Variants in DLGAP2 observed in about 807,000 individuals in gnomAD.
The protein encoded by DLGAP2 is disks large-associated protein 2.
In DLGAP2, 26 loss-of-function variants were observed where a neutral mutation model predicts 100.3. The ratio of observed to expected loss-of-function variants is 0.26; its 90% CI spans 0.19 to 0.36. The LOEUF is 0.36. DLGAP2 is among the 10% of genes least tolerant of loss of function. The pLI, the probability that DLGAP2 is intolerant of heterozygous loss-of-function variation, is 1.00. For synonymous variants in DLGAP2, 886 were observed against 630.1 expected, an observed-to-expected ratio of 1.41 and a Z score of -6.08; for missense variants, 1,858 against 1,453.2, an observed-to-expected ratio of 1.28 and a Z score of -4.53.
chr8:1,519,816 G>A (rs1800524224), intron 4 of DLGAP2, among the ~76,000 whole-genome samples: 1 of 152,264 alleles, frequency 6.6e-6, no homozygotes, highest in African/African-American at 2.4e-5. Flanking sequence ...TTTGTGCTCA[G>A]CAGGTGATGG....
intron 8 of DLGAP2, among the ~76,000 whole-genome samples, chr8:1,664,668 C>T (rs1798499167): frequency 6.6e-6 from 1 of 152,216 alleles, no homozygotes; most frequent in Non-Finnish European, 1.5e-5. Flanking sequence ...ACCATATGGA[C>T]ATTCAGTTCG....
chr8:1,351,644 G>A lies in DLGAP2; in HGVS notation c.106+92761G>A, dbSNP rs568221276. On this transcript the variant is annotated intron_variant, in intron 3 of 14. Coordinates refer to ENST00000637795, the MANE Select transcript of DLGAP2 (RefSeq NM_001346810.2). ...GCCGTGCGGGTCCTGAGTGTGCGTG[G>A]AAAGGCCGTGCGGGTCCTGACTGTG... Among the ~76,000 whole-genome samples the A allele has an allele frequency of 2.9e-4, 21 of 72,732 alleles. 1 individual carries two copies. The highest frequency in any genetic ancestry group is 8.7e-4 in the African/African-American group (20 of 23,086). 47.7% of individuals were successfully genotyped at this position (72,732 alleles called of 152,430 possible).
chr8:1,022,355 T>C (rs1254844420), intron 2 of DLGAP2, among the ~76,000 whole-genome samples: 1,496 of 28,996 alleles, frequency 0.052, no homozygotes, highest in Middle Eastern at 0.071. Flanking sequence ...GTAGACACTC[T>C]AAACACCACC....
At position 1,006,842 on chromosome 8, in the gene DLGAP2, G is replaced by A. The variant is rs535974214; in HGVS notation, c.73+98876G>A. 3.2e-3 allele frequency among the ~76,000 whole-genome samples: 287 copies of A among 91,010 alleles called. 2 individuals are homozygous for A. The highest frequency in any genetic ancestry group is 0.013 in the African/African-American group (274 of 21,450). 59.7% of individuals were successfully genotyped at this position (91,010 alleles called of 152,430 possible). A position where few individuals can be genotyped will look rare whatever the true frequency, so the allele number is the denominator to read the frequency against. ...CGCCCTGCGTCTCAAGTCTCGGGAT[G>A]TGGTCCTTTATCACGTCGGGGACAC... is the stretch of plus-strand genomic sequence containing the variant. On this transcript the variant is annotated intron_variant, in intron 2 of 14. Transcript: ENST00000637795.
intron 2 of DLGAP2, among the ~76,000 whole-genome samples, chr8:1,227,920 C>T (rs758801854): frequency 6.6e-6 from 1 of 152,156 alleles, no homozygotes; most frequent in Non-Finnish European, 1.5e-5. Flanking sequence ...TATACACACA[C>T]AAAATGGGTA....
chr8:1,390,097 C>A (rs1325591118), intron 3 of DLGAP2, among the ~76,000 whole-genome samples: 1 of 151,932 alleles, frequency 6.6e-6, no homozygotes, highest in African/African-American at 2.4e-5. Flanking sequence ...ATCACAGGGC[C>A]CTGGTGGAGT....
chr8:1,497,538 A>T (rs1183114336), intron 3 of DLGAP2, among the ~76,000 whole-genome samples: 1 of 152,196 alleles, frequency 6.6e-6, no homozygotes, highest in Non-Finnish European at 1.5e-5. Flanking sequence ...GGAGAGAGAG[A>T]TCTACCAGAA....
intron 2 of DLGAP2, among the ~76,000 whole-genome samples, chr8:1,140,197 C>T (rs1250265872): frequency 2.0e-5 from 3 of 152,138 alleles, no homozygotes; most frequent in African/African-American, 7.2e-5. Flanking sequence ...ACCAGGGTGA[C>T]ATGAAACTCC....
intron 1 of DLGAP2, among the ~76,000 whole-genome samples, chr8:787,504 C>T (rs1224043885): frequency 2.0e-5 from 3 of 152,228 alleles, no homozygotes; most frequent in Non-Finnish European, 4.4e-5. Flanking sequence ...GTGATGGGGT[C>T]ATTCCATGGA....
rs187839358 is a variant in DLGAP2, at chr8:1,537,297, A to C, written c.173-11329A>C. 2.6e-5 allele frequency among the ~76,000 whole-genome samples: 4 copies of C among 152,292 alleles called. No homozygotes were observed. The East Asian group carries it at 7.7e-4, about 29-fold the overall frequency. On this transcript the variant is annotated intron_variant, in intron 4 of 14. Transcript: ENST00000637795. ...CATGCATGTGTGGTTACACATGTGC[A>C]CATAGTTGTGTGTGCCTGTGTGTGT...
intron 1 of DLGAP2, among the ~76,000 whole-genome samples, chr8:877,183 T>A (rs1797701633): frequency 6.6e-6 from 1 of 152,162 alleles, no homozygotes; most frequent in African/African-American, 2.4e-5. Context: ...ATTGTATGGA[T>A]CATACTTTCC....
chr8:941,722 T>C (rs1799201040), intron 2 of DLGAP2, among the ~76,000 whole-genome samples: 1 of 152,236 alleles, frequency 6.6e-6, no homozygotes, highest in Non-Finnish European at 1.5e-5. Context: ...CGGCTTTCTT[T>C]GATTGGGATG....
rs1046937841 is a variant in DLGAP2, at chr8:1,216,475, C to A, written c.74-42376C>A. 6.6e-5 allele frequency among the ~76,000 whole-genome samples: 10 copies of A among 151,956 alleles called. No homozygotes were observed. In the South Asian group the frequency reaches 1.5e-3, roughly 22 times the overall value. On this transcript the variant is annotated intron_variant, in intron 2 of 14. Transcript: ENST00000637795. ...GAGATCCTCCCTCTTCAACCTCCCA[C>A]GTATGTGCCACCATGCCTGGCTAAT...
chr8:1,619,265 T>C (rs987614633), intron 6 of DLGAP2, among the ~76,000 whole-genome samples: 3 of 152,190 alleles, frequency 2.0e-5, no homozygotes, highest in African/African-American at 4.8e-5. Flanking sequence ...GTGAAAACTT[T>C]ATTGGGATAC....
At chr8:1,697,382 A>T (rs1799428056) in intron 14 of DLGAP2, 83 bp downstream of exon 14, 1 of 1,495,958 alleles carries the variant, frequency 6.7e-7, no homozygotes, top group Non-Finnish European at 8.9e-7. Context: ...GAGCATGACA[A>T]CGGGGTTCTC....
chr8:1,342,780 GA>G (rs1801447403), intron 3 of DLGAP2, among the ~76,000 whole-genome samples: 1 of 152,212 alleles, frequency 6.6e-6, no homozygotes, highest in Non-Finnish European at 1.5e-5. Flanking sequence ...TGAAGTGCCG[GA>G]AAGACTCATG....
intron 3 of DLGAP2, among the ~76,000 whole-genome samples, chr8:1,350,199 T>A (rs76256733): frequency 0.22 from 28,586 of 128,164 alleles, 3,615 homozygotes; most frequent in Admixed American, 0.28. Context: ...GGGTCCTGAG[T>A]GTGCGTGGAA....
chr8:1,632,280 G>T (rs1343376932), intron 7 of DLGAP2, among the ~76,000 whole-genome samples: 1 of 152,224 alleles, frequency 6.6e-6, no homozygotes, highest in African/African-American at 2.4e-5. Flanking sequence ...CCGTAATGGG[G>T]ATAAGGAGAT....
intron 2 of DLGAP2, among the ~76,000 whole-genome samples, chr8:1,120,879 C>T (rs562061737): frequency 1.6e-4 from 24 of 151,926 alleles, no homozygotes; most frequent in African/African-American, 5.1e-4. Context: ...GACCACCCAT[C>T]GTCATTCCTT....
Sources: gnomAD v4.1 joint callset for allele counts (sites outside exome capture counted in the v4.1 genomes callset) on GRCh38, gnomAD v4.1.1 for gene constraint, MANE v1.5 for transcripts, NCBI Gene and HGNC (gene_info 2026-07-23, HGNC 2026-07-21) for gene names.